CEBPD: variants seen among roughly 807,000 people sequenced by gnomAD.
The protein encoded by CEBPD is CCAAT/enhancer-binding protein delta.
For synonymous variants in CEBPD, 227 were observed against 194.8 expected (o/e 1.17, Z -1.38); for missense variants, 410 against 409.4 (o/e 1.00, Z -0.01).
rs753287820 is a variant in CEBPD, at chr8:47,737,947, G to A, written c.174C>T (p.Ala58=). 55 of 1,500,346 alleles carry A rather than the reference G, an allele frequency of 3.7e-5. 4 individuals carry two copies. The South Asian group carries it at 6.3e-4, about 17-fold the overall frequency. The allele number at this position is 1,500,346 out of a possible 1,614,324, so 92.9% of individuals were successfully genotyped here. The change falls in exon 1 of 1, where the codon GCC becomes GCT. Residue 58 remains alanine, a synonymous_variant. Transcript: ENST00000408965. ...AAPAMYDDES[A]IDFSAYIDSM... is the part of the protein sequence containing the mutation. ...AGTCGATGTAGGCGCTGAAGTCGAT[G>A]GCGCTCTCGTCGTCGTACATGGCGG...
At position 47,738,090 on chromosome 8, in the gene CEBPD, G is replaced by A. The variant is rs1308681703; in HGVS notation, c.31C>T (p.Pro11Ser). Residue 11 changes from proline to serine, a missense_variant, in exon 1 of 1, where the codon CCG (proline) becomes TCG (serine). Transcript: ENST00000408965. The surrounding 1 kb of genome is among the most constrained non-coding windows in gnomAD (Gnocchi z 4.1). ...GCAGGCCAGGGCGCGCCGCGCGCCG[G>A]GCCGTCCAGGCTGAAGAGCGCGGCG... MSAALFSLDG[P>S]ARGAPWPAEP... 2.5e-6 allele frequency: 3 copies of A among 1,189,052 alleles called. No individual in the cohort carries two copies. In the African/African-American group the frequency reaches 4.8e-5, roughly 19 times the overall value. The allele number at this position is 1,189,052 out of a possible 1,614,324, so 73.7% of individuals were successfully genotyped here.
chr8:47,737,905 G>T lies in CEBPD; in HGVS notation c.216C>A (p.Pro72=), dbSNP rs763125986. ...SAYIDSMAAV[P]TLELCHDELF... ...GCTCGTCGTGGCACAGCTCCAGGGT[G>T]GGCACGGCGGCCATGGAGTCGATGT... is the stretch of plus-strand genomic sequence containing the variant. Residue 72 remains proline (P), a synonymous_variant, in exon 1 of 1, where the codon CCC becomes CCA. Coordinates refer to ENST00000408965, the MANE Select transcript of CEBPD (RefSeq NM_005195.4). 6.6e-7 allele frequency: 1 copy of T among 1,510,022 alleles called. No individual in the cohort carries two copies. The highest frequency in any genetic ancestry group is 1.2e-5 in the South Asian group (1 of 80,990). The allele number at this position is 1,510,022 out of a possible 1,614,324, so 93.5% of individuals were successfully genotyped here. A position where few individuals can be genotyped will look rare whatever the true frequency, so the allele number is the denominator to read the frequency against.
At position 47,737,546 on chromosome 8, in the gene CEBPD, G is replaced by C; in HGVS notation, c.575C>G (p.Pro192Arg). Residue 192 changes from proline (P) to arginine (R), a missense_variant, in exon 1 of 1, where the codon CCC becomes CGC. Physicochemically the swap from Pro to Arg is moderately radical, Grantham distance 103. Coordinates refer to ENST00000408965, the MANE Select transcript of CEBPD (RefSeq NM_005195.4). ...AGKRGPDRGSPEYRQRRERNN... is the reference protein window; with the variant it reads ...AGKRGPDRGSREYRQRRERNN... ...GCGCTCGCGCCGCTGCCGGTACTCG[G>C]GGCTGCCGCGGTCCGGGCCCCTCTT... The C allele has an allele frequency of 2.5e-6, 4 of 1,597,456 alleles. No individual in the cohort carries two copies. The highest frequency in any genetic ancestry group is 2.6e-6 in the Non-Finnish European group (3 of 1,174,756).
In CEBPD at chr8:47,737,590, G is replaced by A; in HGVS notation, c.531C>T (p.Ala177=). 6.8e-7 allele frequency: 1 copy of A among 1,477,824 alleles called. No homozygotes were observed. Among genetic ancestry groups the A allele is most frequent in the Non-Finnish European group, 8.9e-7 (1 of 1,119,710 alleles). The allele number at this position is 1,477,824 out of a possible 1,614,324, so 91.5% of individuals were successfully genotyped here. A position where few individuals can be genotyped will look rare whatever the true frequency, so the allele number is the denominator to read the frequency against. ...CCCTCTTGCCGGCGCTCTTCTCCCG[G>A]GCGGGGCCGGGCGCGGGGGTCTGCC... The part of the protein sequence containing the change: ...SPRQTPAPGP[A]REKSAGKRGP... The change falls in exon 1 of 1, where the codon GCC becomes GCT. Residue 177 remains alanine (A), a synonymous_variant. Coordinates refer to ENST00000408965, the MANE Select transcript of CEBPD (RefSeq NM_005195.4).
rs1228404379 is a variant in CEBPD, at chr8:47,738,072, A to G, written c.49T>C (p.Trp17Arg). 4 of 1,200,726 alleles carry G rather than the reference A, an allele frequency of 3.3e-6. No homozygotes were observed. The highest frequency in any genetic ancestry group is 4.1e-6 in the Non-Finnish European group (4 of 969,546). The allele number at this position is 1,200,726 out of a possible 1,614,324, so 74.4% of individuals were successfully genotyped here. The change falls in exon 1 of 1, where the codon TGG (tryptophan) becomes CGG (arginine). Residue 17 changes from tryptophan (W) to arginine (R), a missense_variant. Transcript: ENST00000408965. This position sits in a 1 kb window ranked among gnomAD's most constrained non-coding sequence, Gnocchi z 4.1. ...SLDGPARGAP[W>R]PAEPAPFYEP... The stretch of plus-strand genomic sequence containing the variant: ...TAGAAGGGCGCAGGCTCCGCAGGCC[A>G]GGGCGCGCCGCGCGCCGGGCCGTCC...
Position 47,737,810 on chromosome 8 carries a change from C to A in CEBPD, c.311G>T (p.Gly104Val), listed in dbSNP as rs1319031887. Residue 104 changes from glycine to valine, a missense_variant, in exon 1 of 1, where the codon GGC (glycine) becomes GTC (valine). By Grantham distance (109) the Gly-to-Val change is moderately radical. Transcript: ENST00000408965. ...GCCCGGGCCCAAGGGGCGCGCGGGG[C>A]CGCCGGGAAGAAGCTCCAGGGGCCC... ...GAGPLELLPG[G>V]PARPLGPGPA... is the part of the protein sequence containing the mutation. 2 of 1,365,852 alleles carry A rather than the reference C, an allele frequency of 1.5e-6. No individual in the cohort carries two copies. The highest frequency in any genetic ancestry group is 3.7e-5 in the Admixed American group (1 of 27,176). The allele number at this position is 1,365,852 out of a possible 1,614,324, so 84.6% of individuals were successfully genotyped here.
chr8:47,737,771 C>G lies in CEBPD; in HGVS notation c.350G>C (p.Arg117Pro). 2 of 1,272,962 alleles carry G rather than the reference C, an allele frequency of 1.6e-6. No homozygotes were observed. The highest frequency in any genetic ancestry group is 2.6e-5 in the South Asian group (1 of 38,514). The allele number at this position is 1,272,962 out of a possible 1,614,324, so 78.9% of individuals were successfully genotyped here. A position where few individuals can be genotyped will look rare whatever the true frequency, so the allele number is the denominator to read the frequency against. The change falls in exon 1 of 1, where the codon CGC becomes CCC. Residue 117 changes from arginine (R) to proline (P), a missense_variant. Physicochemically the swap from Arg to Pro is moderately radical, Grantham distance 103 (BLOSUM62 -2). Coordinates refer to ENST00000408965, the MANE Select transcript of CEBPD (RefSeq NM_005195.4). ...CCAGTCGGGCTCGCGCTTGAGCAGG[C>G]GGGGAGCGGCAGGGCCCGGGCCCAA... ...RPLGPGPAAP[R>P]LLKREPDWGD...
rs985984856 is a variant in CEBPD, at chr8:47,737,253, C to T, written c.*58G>A. Reference sequence around the variant, plus strand: ...CGCCAGGGCAGGGCGCGCTCCGCTCCGGGCCGTCGGGTCTGAGGTATGGGT... The same window carrying T: ...CGCCAGGGCAGGGCGCGCTCCGCTCTGGGCCGTCGGGTCTGAGGTATGGGT... On this transcript the variant is annotated 3_prime_UTR_variant, in exon 1 of 1. Transcript: ENST00000408965. The T allele has an allele frequency of 3.4e-6, 5 of 1,452,926 alleles. No homozygotes were observed. The highest frequency in any genetic ancestry group is 1.4e-5 in the South Asian group (1 of 71,152). 90.0% of individuals were successfully genotyped at this position (1,452,926 alleles called of 1,614,324 possible).
Position 47,737,395 on chromosome 8 carries a change from CCGCGTGAGCTG to C in CEBPD, c.715_725del (p.Gln239GlyfsTer96). ...AGAACTGCCGGAGGCCGGCCAGGTC[CCGCGTGAGCTG>C]CTCCACGCGCTGGTGCAGCTTCTCG... On this transcript the variant is annotated frameshift_variant, in exon 1 of 1. Transcript: ENST00000408965. LOFTEE classifies it high-confidence loss of function. The C allele has an allele frequency of 6.2e-7, 1 of 1,602,052 alleles. No homozygotes were observed. Among genetic ancestry groups the C allele is most frequent in the Non-Finnish European group, 8.5e-7 (1 of 1,176,306 alleles).
chr8:47,738,163 C>G lies in CEBPD; in HGVS notation c.-43G>C. 1 of 1,131,534 alleles carries G rather than the reference C, an allele frequency of 8.8e-7. No homozygotes were observed. Among genetic ancestry groups the G allele is most frequent in the South Asian group, 4.4e-5 (1 of 22,588 alleles). The allele number at this position is 1,131,534 out of a possible 1,614,324, so 70.1% of individuals were successfully genotyped here. A position where few individuals can be genotyped will look rare whatever the true frequency, so the allele number is the denominator to read the frequency against. ...CTCTGCGTCCAAGCGAGGCTGTCAC[C>G]TCGCTGGGCCCAGCCCCGCCGCCTT... On this transcript the variant is annotated 5_prime_UTR_variant, in exon 1 of 1. Transcript: ENST00000408965. The surrounding 1 kb of genome is among the most constrained non-coding windows in gnomAD (Gnocchi z 4.1).
In CEBPD at chr8:47,737,782, A is replaced by C. The variant is rs1346807729; in HGVS notation, c.339T>G (p.Pro113=). Residue 113 remains proline, a synonymous_variant, in exon 1 of 1, where the codon CCT becomes CCG. Coordinates refer to ENST00000408965, the MANE Select transcript of CEBPD (RefSeq NM_005195.4). ...GGPARPLGPG[P]AAPRLLKREP... is the part of the protein sequence containing the mutation. ...CGCGCTTGAGCAGGCGGGGAGCGGC[A>C]GGGCCCGGGCCCAAGGGGCGCGCGG... 3.9e-6 allele frequency: 5 copies of C among 1,288,158 alleles called. No individual in the cohort carries two copies. The highest frequency in any genetic ancestry group is 2.4e-5 in the South Asian group (1 of 42,396). 79.8% of individuals were successfully genotyped at this position (1,288,158 alleles called of 1,614,324 possible). A position where few individuals can be genotyped will look rare whatever the true frequency, so the allele number is the denominator to read the frequency against.
In CEBPD at chr8:47,737,975, GC is replaced by G; in HGVS notation, c.145del (p.Ala49ProfsTer99). 1 of 1,473,860 alleles carries G rather than the reference GC, an allele frequency of 6.8e-7. No individual in the cohort carries two copies. The highest frequency in any genetic ancestry group is 1.3e-5 in the South Asian group (1 of 74,890). 91.3% of individuals were successfully genotyped at this position (1,473,860 alleles called of 1,614,324 possible). A position where few individuals can be genotyped will look rare whatever the true frequency, so the allele number is the denominator to read the frequency against. On this transcript the variant is annotated frameshift_variant, in exon 1 of 1. Coordinates refer to ENST00000408965, the MANE Select transcript of CEBPD (RefSeq NM_005195.4). LOFTEE classifies it low-confidence loss of function (END_TRUNC). ...GCTCTCGTCGTCGTACATGGCGGGG[GC>G]GGCGGCGCCTGGCTCGCCTAGGGCC... ...PGALGEPGAA[A>X]PAMYDDESAI...
chr8:47,737,616 TG>T lies in CEBPD; in HGVS notation c.504del (p.Arg169GlyfsTer144). The T allele has an allele frequency of 4.6e-6, 6 of 1,311,028 alleles. No individual in the cohort carries two copies. The highest frequency in any genetic ancestry group is 5.8e-6 in the Non-Finnish European group (6 of 1,035,830). 81.2% of individuals were successfully genotyped at this position (1,311,028 alleles called of 1,614,324 possible). A position where few individuals can be genotyped will look rare whatever the true frequency, so the allele number is the denominator to read the frequency against. On this transcript the variant is annotated frameshift_variant, in exon 1 of 1. Transcript: ENST00000408965. LOFTEE classifies it low-confidence loss of function (END_TRUNC). ...GCGGGGCCGGGCGCGGGGGTCTGCCTGGGGCTGCTGCGCGGCGGCTCCGGCG... is the reference window on the plus strand; with the variant it reads ...GCGGGGCCGGGCGCGGGGGTCTGCCTGGGCTGCTGCGCGGCGGCTCCGGCG... ...PTSPEPPRSS[P>X]RQTPAPGPAR...
Position 47,738,014 on chromosome 8 carries a change from CCGCGGCCCGGCTTGCCCG to C in CEBPD, c.89_106del (p.Ala30_Arg35del). On this transcript the variant is annotated inframe_deletion, in exon 1 of 1. Coordinates refer to ENST00000408965, the MANE Select transcript of CEBPD (RefSeq NM_005195.4). This position sits in a 1 kb window ranked among gnomAD's most constrained non-coding sequence, Gnocchi z 4.1. ...CTCGCCTAGGGCCCCTGGCTCGGCCCCGCGGCCCGGCTTGCCCGCCCGGCCCGGTTCGTAGAAGGGCGC... is the reference window on the plus strand; with the variant it reads ...CTCGCCTAGGGCCCCTGGCTCGGCCCCCCGGCCCGGTTCGTAGAAGGGCGC... 1 of 1,339,298 alleles carries C rather than the reference CCGCGGCCCGGCTTGCCCG, an allele frequency of 7.5e-7. No homozygotes were observed. The highest frequency in any genetic ancestry group is 9.6e-7 in the Non-Finnish European group (1 of 1,041,698). 83.0% of individuals were successfully genotyped at this position (1,339,298 alleles called of 1,614,324 possible).
Position 47,737,930 on chromosome 8 carries a change from T to G in CEBPD, c.191A>C (p.Tyr64Ser). Residue 64 changes from tyrosine to serine, a missense_variant, in exon 1 of 1, where the codon TAC (tyrosine) becomes TCC (serine). Coordinates refer to ENST00000408965, the MANE Select transcript of CEBPD (RefSeq NM_005195.4). ...GGGCACGGCGGCCATGGAGTCGATG[T>G]AGGCGCTGAAGTCGATGGCGCTCTC... ...DDESAIDFSA[Y>S]IDSMAAVPTL... The G allele has an allele frequency of 6.6e-7, 1 of 1,509,900 alleles. No individual in the cohort carries two copies. Among genetic ancestry groups the G allele is most frequent in the Non-Finnish European group, 8.9e-7 (1 of 1,124,874 alleles). The allele number at this position is 1,509,900 out of a possible 1,614,324, so 93.5% of individuals were successfully genotyped here. A position where few individuals can be genotyped will look rare whatever the true frequency, so the allele number is the denominator to read the frequency against.
In CEBPD at chr8:47,737,226, TGCGCCAGGGCAGG is replaced by T; in HGVS notation, c.*72_*84del. ...GCAGCGGGCACCCGGCGGCTCTGGC[TGCGCCAGGGCAGG>T]GCGCGCTCCGCTCCGGGCCGTCGGG... On this transcript the variant is annotated 3_prime_UTR_variant, in exon 1 of 1. Coordinates refer to ENST00000408965, the MANE Select transcript of CEBPD (RefSeq NM_005195.4). The T allele has an allele frequency of 7.7e-7, 1 of 1,296,876 alleles. No individual in the cohort carries two copies. The highest frequency in any genetic ancestry group is 1.0e-6 in the Non-Finnish European group (1 of 970,686). The allele number at this position is 1,296,876 out of a possible 1,614,324, so 80.3% of individuals were successfully genotyped here. A position where few individuals can be genotyped will look rare whatever the true frequency, so the allele number is the denominator to read the frequency against.
At position 47,737,331 on chromosome 8, in the gene CEBPD, C is replaced by T; in HGVS notation, c.790G>A (p.Gly264Arg). 1.3e-6 allele frequency: 2 copies of T among 1,594,820 alleles called. No individual in the cohort carries two copies. The highest frequency in any genetic ancestry group is 1.7e-6 in the Non-Finnish European group (2 of 1,172,766). Residue 264 changes from glycine (G) to arginine (R), a missense_variant, in exon 1 of 1, where the codon GGG becomes AGG. Coordinates refer to ENST00000408965, the MANE Select transcript of CEBPD (RefSeq NM_005195.4). ...GCGCGTTACCGGCAGTCTGCTGTCC[C>T]GGCGGCCGGCAGGAAGGGCGGGCTG... ...LPSPPFLPAA[G>R]TADCR
At position 47,737,089 on chromosome 8, in the gene CEBPD, C is replaced by T; in HGVS notation, c.*222G>A. 1 of 473,920 alleles carries T rather than the reference C, an allele frequency of 2.1e-6. No homozygotes were observed. The highest frequency in any genetic ancestry group is 3.9e-5 in the South Asian group (1 of 25,704). 29.4% of individuals were successfully genotyped at this position (473,920 alleles called of 1,614,324 possible). On this transcript the variant is annotated 3_prime_UTR_variant, in exon 1 of 1. Transcript: ENST00000408965. ...CAACAGGAGTAAGATGTAGAAAAAG[C>T]TACCATTACAAAAATAATTTAAGGG...
rs980103219 is a variant in CEBPD, at chr8:47,737,329, C to G, written c.792G>C (p.Gly264=). The G allele has an allele frequency of 6.3e-7, 1 of 1,595,084 alleles. No homozygotes were observed. Among genetic ancestry groups the G allele is most frequent in the Admixed American group, 1.7e-5 (1 of 58,816 alleles). ...LPSPPFLPAA[G]TADCR ...CCGCGCGTTACCGGCAGTCTGCTGT[C>G]CCGGCGGCCGGCAGGAAGGGCGGGC... Residue 264 remains glycine, a synonymous_variant, in exon 1 of 1, where the codon GGG becomes GGC. Coordinates refer to ENST00000408965, the MANE Select transcript of CEBPD (RefSeq NM_005195.4).
Sources: gnomAD v4.1 joint callset for allele counts on GRCh38, gnomAD v4.1.1 for gene constraint, Gnocchi (gnomAD v3.1) non-coding constraint, MANE v1.5 for transcripts, NCBI Gene and HGNC (gene_info 2026-07-23, HGNC 2026-07-21) for gene names.